Variants in OSBPL2 observed in about 807,000 individuals in gnomAD.
OSBPL2 encodes the protein oxysterol binding protein like 2.
OSBPL2 carries 18 observed loss-of-function variants against 58.4 expected under a neutral mutation model. The ratio of observed to expected loss-of-function variants is 0.31; its 90% confidence interval spans 0.21 to 0.46. The LOEUF is 0.46. Among genes scored for constraint, OSBPL2 ranks in the 20% least tolerant of loss-of-function variants. The pLI, the probability that OSBPL2 is intolerant of heterozygous loss-of-function variation, is 1.00. For missense variants in OSBPL2, 461 were observed against 616.5 expected, an observed-to-expected ratio of 0.75 and a Z score of 2.67; for synonymous variants, 221 against 234.1, an observed-to-expected ratio of 0.94 and a Z score of 0.51.
In OSBPL2 at chr20:62,261,332, A is replaced by AAG. The variant is rs1266014785; in HGVS notation, c.182+1208_182+1209insGA. 5.3e-5 allele frequency among the ~76,000 whole-genome samples: 8 copies of AAG among 151,594 alleles called. No individual in the cohort carries two copies. In the East Asian group the frequency reaches 1.6e-3, roughly 29 times the overall value. Reference sequence around the variant, plus strand: ...CTCCATCTCCAAAAAAAAAAAAAAAAAAAAGGCACAAAGGCAGGACAAGTG... The same window carrying AAG: ...CTCCATCTCCAAAAAAAAAAAAAAAAAGAAAAGGCACAAAGGCAGGACAAGTG... On this transcript the variant is annotated intron_variant, in intron 3 of 13. Coordinates refer to ENST00000313733, the MANE Select transcript of OSBPL2 (RefSeq NM_144498.4).
intron 2 of OSBPL2, among the ~76,000 whole-genome samples, chr20:62,256,484 A>C (rs911073254): frequency 5.9e-5 from 9 of 152,178 alleles, no homozygotes; most frequent in African/African-American, 1.9e-4. Context: ...TGAGATAGCC[A>C]TCTTCTTCCC....
intron 1 of OSBPL2, among the ~76,000 whole-genome samples, chr20:62,252,164 G>A (rs566663393): frequency 1.2e-3 from 181 of 151,766 alleles, no homozygotes; most frequent in African/African-American, 3.6e-3. Context: ...GTTTACAAGC[G>A]GGAACCACTG....
At chr20:62,258,235 C>T (rs1212564390) in intron 2 of OSBPL2, among the ~76,000 whole-genome samples, 1 of 152,088 alleles carries the variant, frequency 6.6e-6, no homozygotes, top group Non-Finnish European at 1.5e-5. Flanking sequence ...TCTTGGGCTT[C>T]AAAACAAATA....
chr20:62,281,304 T>C (rs1022664290), intron 8 of OSBPL2, 139 bp downstream of exon 8: 4 of 631,614 alleles, frequency 6.3e-6, no homozygotes, highest in African/African-American at 1.8e-5. Flanking sequence ...AGCCCAGGCA[T>C]AGCAGCTGCC....
chr20:62,281,332 G>A (rs1222840497), intron 8 of OSBPL2, 167 bp downstream of exon 8: 8 of 589,102 alleles, frequency 1.4e-5, no homozygotes, highest in South Asian at 1.0e-4. Flanking sequence ...GACTCTGACC[G>A]GTGTTGGCCA....
chr20:62,252,988 T>A (rs1980664238), intron 1 of OSBPL2, among the ~76,000 whole-genome samples: 1 of 152,024 alleles, frequency 6.6e-6, no homozygotes, highest in Non-Finnish European at 1.5e-5. Context: ...CAACAGGAGG[T>A]TTGGTGGTGG....
intron 12 of OSBPL2, among the ~76,000 whole-genome samples, chr20:62,290,747 T>G (rs961490069): frequency 2.0e-5 from 3 of 149,098 alleles, no homozygotes; most frequent in South Asian, 2.1e-4. Flanking sequence ...TTTTTTGTTT[T>G]TTTTTTTTGA....
intron 6 of OSBPL2, 110 bp from the exon 7 acceptor site, chr20:62,279,047 A>G: frequency 3.5e-6 from 3 of 862,954 alleles, no homozygotes; most frequent in Non-Finnish European, 5.4e-6. Context: ...TGTGGCATGG[A>G]GGGCCCCTGC....
chr20:62,272,544 C>G (rs568189663), intron 5 of OSBPL2, among the ~76,000 whole-genome samples: 2 of 152,324 alleles, frequency 1.3e-5, no homozygotes, highest in Admixed American at 6.5e-5. Context: ...GCGGTGGGCT[C>G]TGCCCTTGGG....
At chr20:62,285,523 G>A (rs1983055217) in intron 10 of OSBPL2, 1 of 152,308 alleles carries the variant, frequency 6.6e-6, no homozygotes, top group Admixed American at 6.5e-5. Context: ...GGCAGGTTTT[G>A]TCTTTTCATC....
At chr20:62,254,041 G>A (rs899437556) in intron 1 of OSBPL2, among the ~76,000 whole-genome samples, 8 of 151,986 alleles carry the variant, frequency 5.3e-5, no homozygotes, top group South Asian at 2.1e-4. Context: ...CAGGTGATCC[G>A]CCCACCTCAG....
chr20:62,240,925 GACAGGCGT>G (rs1979685222), intron 1 of OSBPL2, among the ~76,000 whole-genome samples: 1 of 152,232 alleles, frequency 6.6e-6, no homozygotes, highest in Non-Finnish European at 1.5e-5. Context: ...CATGGGTGCT[GACAGGCGT>G]ACAGTCCAGA....
At chr20:62,283,841 G>A (rs1444698438) in intron 9 of OSBPL2, among the ~76,000 whole-genome samples, 4 of 151,944 alleles carry the variant, frequency 2.6e-5, no homozygotes, top group Admixed American at 1.3e-4. Flanking sequence ...TTAGGTTTCC[G>A]GCCCTTCATT....
At chr20:62,267,540 A>G (rs1303757581) in intron 4 of OSBPL2, among the ~76,000 whole-genome samples, 1 of 152,156 alleles carries the variant, frequency 6.6e-6, no homozygotes, top group African/African-American at 2.4e-5. Context: ...GGCTCTCAGG[A>G]GGCCACCGGG....
At chr20:62,261,736 C>T (rs917698550) in intron 3 of OSBPL2, among the ~76,000 whole-genome samples, 12 of 152,142 alleles carry the variant, frequency 7.9e-5, no homozygotes, top group African/African-American at 2.9e-4. Flanking sequence ...GCCTTTTATT[C>T]CTGTTGTTGT....
chr20:62,253,412 T>A (rs148049746), intron 1 of OSBPL2, among the ~76,000 whole-genome samples: 174 of 152,370 alleles, frequency 1.1e-3, no homozygotes, highest in African/African-American at 4.1e-3. Flanking sequence ...ATTCACCGTG[T>A]TTCAGCCTTT....
intron 7 of OSBPL2, chr20:62,280,145 C>T (rs957338838): frequency 1.7e-5 from 22 of 1,298,680 alleles, no homozygotes; most frequent in Non-Finnish European, 2.2e-5. Flanking sequence ...AAGCCACTGC[C>T]TGCAGTCTTG....
chr20:62,239,764 G>T (rs1174098259), intron 1 of OSBPL2, among the ~76,000 whole-genome samples: 1 of 152,278 alleles, frequency 6.6e-6, no homozygotes, highest in East Asian at 1.9e-4. Context: ...TTCCTAACTC[G>T]TGCCCATGGC....
intron 5 of OSBPL2, among the ~76,000 whole-genome samples, 186 bp from the exon 6 acceptor site, chr20:62,273,123 G>A (rs1982171767): frequency 6.6e-6 from 1 of 152,194 alleles, no homozygotes; most frequent in African/African-American, 2.4e-5. Context: ...CGGGGGAGTG[G>A]CGGGTGATGA....
Sources: allele counts gnomAD v4.1 joint callset (sites outside exome capture counted in the v4.1 genomes callset), GRCh38; gene constraint gnomAD v4.1.1; transcripts MANE v1.5; gene names NCBI Gene and HGNC (gene_info 2026-07-23, HGNC 2026-07-21).